The following CBFA2T3 variants were observed in gnomAD, a reference collection of about 807,000 sequenced individuals.
CBFA2T3 encodes CBFA2/RUNX1 partner transcriptional co-repressor 3, also known as transcriptional corepressor CBFA2T3.
CBFA2T3 carries 31 observed loss-of-function variants against 58.6 expected under a neutral mutation model. The observed-to-expected ratio is 0.53, with a 90% CI of 0.40 to 0.71. The LOEUF (loss-of-function observed/expected upper bound fraction) is 0.71. Ranked by LOEUF, CBFA2T3 falls within the 30% of genes least tolerant of loss-of-function variation. CBFA2T3 has a pLI of 0.00. For missense variants in CBFA2T3, 1,076 were observed against 963.1 expected (o/e 1.12, Z -1.55); for synonymous variants, 531 against 421.9 (o/e 1.26, Z -3.17).
chr16:88,917,350 G>C (rs1218201627), intron 1 of CBFA2T3, among the ~76,000 whole-genome samples: 1 of 149,444 alleles, frequency 6.7e-6, no homozygotes, highest in Non-Finnish European at 1.5e-5. Context: ...CACCGTGGGA[G>C]GGGAGGGCCT....
At chr16:88,884,424 CTG>C (rs1236810576) in intron 7 of CBFA2T3, among the ~76,000 whole-genome samples, 2 of 152,220 alleles carry the variant, frequency 1.3e-5, no homozygotes, top group Non-Finnish European at 2.9e-5. Flanking sequence ...GCAGGCTGGG[CTG>C]TGAGACTGTG....
intron 1 of CBFA2T3, among the ~76,000 whole-genome samples, chr16:88,931,615 C>T (rs189401903): frequency 1.4e-5 from 2 of 147,128 alleles, no homozygotes; most frequent in South Asian, 2.1e-4. Context: ...GGCCGTGGGC[C>T]GGCCCCGTGG....
At chr16:88,893,530 G>A (rs1199004600) in intron 3 of CBFA2T3, among the ~76,000 whole-genome samples, 1 of 152,212 alleles carries the variant, frequency 6.6e-6, no homozygotes, top group Non-Finnish European at 1.5e-5. Flanking sequence ...CAGAGGAGCT[G>A]GGACACCCAA....
At chr16:88,896,425 G>A (rs111808559) in intron 3 of CBFA2T3, among the ~76,000 whole-genome samples, 1,527 of 152,252 alleles carry the variant, frequency 0.01, 29 homozygotes, top group African/African-American at 0.035. Context: ...CGATAACGGC[G>A]TCGTATTCTG....
intron 2 of CBFA2T3, among the ~76,000 whole-genome samples, chr16:88,899,636 A>G (rs1970022775): frequency 6.6e-6 from 1 of 152,122 alleles, no homozygotes; most frequent in East Asian, 1.9e-4. Flanking sequence ...AGCCAGGAGC[A>G]TCAGACCGGC....
chr16:88,901,754 T>A, intron 1 of CBFA2T3, 98 bp from the exon 2 acceptor site: 1 of 1,136,142 alleles, frequency 8.8e-7, no homozygotes, highest in Non-Finnish European at 1.2e-6. Context: ...CCACTGAGTG[T>A]CCGCCCAGCG....
At position 88,977,112 on chromosome 16, in the gene CBFA2T3, CCGGG is replaced by C. The variant is rs539886036; in HGVS notation, c.-309_-306del. On this transcript the variant is annotated 5_prime_UTR_variant, in exon 1 of 12. An upstream open reading frame in the 5' UTR gains an earlier in-frame stop. Coordinates refer to ENST00000268679, the MANE Select transcript of CBFA2T3 (RefSeq NM_005187.6). ...AGCCAGCTGTGTCCCCGTGATAATG[CCGGG>C]GCCGGAGGCCTGCAGCTGCGCCCGC... 1,789 of 337,914 alleles carry C rather than the reference CCGGG, an allele frequency of 5.3e-3. 4 individuals are homozygous for C. Among genetic ancestry groups the C allele is most frequent in the Admixed American group, 0.01 (235 of 23,382 alleles). 20.9% of individuals were successfully genotyped at this position (337,914 alleles called of 1,614,324 possible). A position where few individuals can be genotyped will look rare whatever the true frequency, so the allele number is the denominator to read the frequency against.
At chr16:88,976,206 C>T (rs188450584) in intron 1 of CBFA2T3, among the ~76,000 whole-genome samples, 4 of 152,332 alleles carry the variant, frequency 2.6e-5, no homozygotes, top group East Asian at 1.9e-4. Context: ...TTCCTCCTCA[C>T]CGGGGTCTTG....
chr16:88,970,486 T>C (rs1448740007), intron 1 of CBFA2T3, among the ~76,000 whole-genome samples: 1 of 152,214 alleles, frequency 6.6e-6, no homozygotes, highest in Non-Finnish European at 1.5e-5. Flanking sequence ...CCAGCCCCGC[T>C]GTGTGAGCTC....
At chr16:88,926,302 C>T (rs1040076164) in intron 1 of CBFA2T3, among the ~76,000 whole-genome samples, 2 of 152,214 alleles carry the variant, frequency 1.3e-5, no homozygotes, top group African/African-American at 4.8e-5. Context: ...GTGACAAATT[C>T]CTCCTCCAAT....
rs1474028380 is a variant in CBFA2T3 at position 88,880,792 on chromosome 16, A to C, written c.1403-4T>G. 10 of 1,579,466 alleles carry C rather than the reference A, an allele frequency of 6.3e-6. No homozygotes were observed. In the South Asian group the frequency reaches 1.2e-4, roughly 18 times the overall value. On this transcript the variant is annotated splice_polypyrimidine_tract_variant and splice_region_variant and intron_variant, in intron 9 of 11. Transcript: ENST00000268679. The stretch of plus-strand genomic sequence containing the variant: ...GGCAGGAACTCGCGAGGCACGTCTG[A>C]AACAGGGGCCGGCGTCACACAGGAT...
chr16:88,898,122 T>G lies in CBFA2T3; in HGVS notation c.335A>C (p.His112Pro). Residue 112 changes from histidine to proline, a missense_variant, in exon 3 of 12, where the codon CAC becomes CCC. Coordinates refer to ENST00000268679, the MANE Select transcript of CBFA2T3 (RefSeq NM_005187.6). ...TTTTAAGCAGCCATGAAAACGGCCG[T>G]GGGGCAGCGTCGCAGGCCCGTCCTC... ...HREDGPATLP[H>P]GRFHGCLKWS... 6.2e-7 allele frequency: 1 copy of G among 1,613,104 alleles called. No individual in the cohort carries two copies. The highest frequency in any genetic ancestry group is 8.5e-7 in the Non-Finnish European group (1 of 1,179,700).
At chr16:88,923,547 TGAGCTGGG>T (rs1970988800) in intron 1 of CBFA2T3, among the ~76,000 whole-genome samples, 1 of 152,192 alleles carries the variant, frequency 6.6e-6, no homozygotes, top group African/African-American at 2.4e-5. Flanking sequence ...TCCTGCTGTG[TGAGCTGGG>T]GAGCAACTGA....
chr16:88,975,852 T>C (rs1351913702), intron 1 of CBFA2T3, among the ~76,000 whole-genome samples: 2 of 152,194 alleles, frequency 1.3e-5, no homozygotes, highest in African/African-American at 4.8e-5. Flanking sequence ...TGTGTGTGAG[T>C]GTCAGGGGTG....
chr16:88,884,277 C>T (rs11076730), intron 7 of CBFA2T3: 37,757 of 152,142 alleles, frequency 0.25, 4,956 homozygotes, highest in East Asian at 0.5. Flanking sequence ...TGCTGCTGGG[C>T]CCCCACCGGG....
chr16:88,921,360 G>T lies in CBFA2T3; in HGVS notation c.152-19704C>A, dbSNP rs544452339. ...GCGGGGGGAGCAGGGAAGCCGAGCC[G>T]ATCCTCCGTGCCACGCCGCCCCACC... On this transcript the variant is annotated intron_variant, in intron 1 of 11. Coordinates refer to ENST00000268679, the MANE Select transcript of CBFA2T3 (RefSeq NM_005187.6). Among the ~76,000 whole-genome samples the T allele has an allele frequency of 4.6e-5, 7 of 152,326 alleles. No homozygotes were observed. The South Asian group carries it at 1.2e-3, about 27-fold the overall frequency.
chr16:88,914,374 C>G (rs1246692508), intron 1 of CBFA2T3, among the ~76,000 whole-genome samples: 1 of 152,208 alleles, frequency 6.6e-6, no homozygotes, highest in African/African-American at 2.4e-5. Flanking sequence ...GTGCACACTT[C>G]TGTGTGCAGT....
chr16:88,911,409 G>A (rs2142700944), intron 1 of CBFA2T3, among the ~76,000 whole-genome samples: 1 of 152,358 alleles, frequency 6.6e-6, no homozygotes, highest in Middle Eastern at 3.4e-3. Flanking sequence ...AAGATGCAGT[G>A]CCTCTTTGGG....
Position 88,970,359 on chromosome 16 carries a change from C to G in CBFA2T3, c.151+6298G>C, listed in dbSNP as rs537698155. ...CGGAGGGGCTCAGCTGAGGGCGCGG[C>G]TCTCGTCTCAGAGCAGGGCGTGCAG... On this transcript the variant is annotated intron_variant, in intron 1 of 11. Transcript: ENST00000268679. Among the ~76,000 whole-genome samples the G allele has an allele frequency of 3.9e-5, 6 of 152,298 alleles. No homozygotes were observed. The South Asian group carries it at 1.2e-3, about 32-fold the overall frequency.
Sources: allele counts gnomAD v4.1 joint callset (sites outside exome capture counted in the v4.1 genomes callset), GRCh38; gene constraint gnomAD v4.1.1; transcripts MANE v1.5; gene names NCBI Gene and HGNC (gene_info 2026-07-23, HGNC 2026-07-21).